RAB11FIP4: variants seen among roughly 807,000 people sequenced by gnomAD.
The protein encoded by RAB11FIP4 is rab11 family-interacting protein 4.
A neutral mutation model predicts 74.3 loss-of-function variants in RAB11FIP4; 23 were observed. The observed-to-expected ratio is 0.31, with a 90% CI of 0.22 to 0.44. RAB11FIP4 has a LOEUF of 0.44. Among genes scored for constraint, RAB11FIP4 ranks in the 20% least tolerant of loss-of-function variants. The probability of loss-of-function intolerance (pLI) is 1.00; values close to 1 mark genes in which losing one functional copy is unlikely to be tolerated. For missense variants in RAB11FIP4, 630 were observed against 863.9 expected (o/e 0.73, Z 3.39); for synonymous variants, 360 against 359.9 (o/e 1.00, Z 0.00).
chr17:31,519,016 T>TC (rs2072613794), intron 4 of RAB11FIP4, among the ~76,000 whole-genome samples: 1 of 132,140 alleles, frequency 7.6e-6, no homozygotes, highest in Non-Finnish European at 1.6e-5. Context: ...TCTTTTTTTT[T>TC]TTTTTTTTTT....
chr17:31,458,402 G>C (rs73277797), intron 3 of RAB11FIP4, among the ~76,000 whole-genome samples: 217 of 152,304 alleles, frequency 1.4e-3, no homozygotes, highest in African/African-American at 5.1e-3. Flanking sequence ...AGGGCATTGC[G>C]GGGAGGCAAG....
chr17:31,484,036 G>T (rs62063860), intron 3 of RAB11FIP4, among the ~76,000 whole-genome samples: 99,033 of 150,492 alleles, frequency 0.66, 33,691 homozygotes, highest in African/African-American at 0.84. Context: ...ATTGTGCCAC[G>T]GCACTTCAGC....
At chr17:31,462,931 C>T (rs1033313442) in intron 3 of RAB11FIP4, among the ~76,000 whole-genome samples, 3 of 152,234 alleles carry the variant, frequency 2.0e-5, no homozygotes, top group Middle Eastern at 3.4e-3. Context: ...CCACCGCGCC[C>T]AGCCTCATAC....
Position 31,420,021 on chromosome 17 carries a change from T to G in RAB11FIP4, c.160-11792T>G, listed in dbSNP as rs534497340. On this transcript the variant is annotated intron_variant, in intron 1 of 14. Transcript: ENST00000621161. ...AAATTATCTGGTCCTGAGGTTTTCC[T>G]TTTTGGAAGGATATAAATTGGGAAA... Among the ~76,000 whole-genome samples the G allele has an allele frequency of 2.6e-5, 4 of 152,316 alleles. No homozygotes were observed. In the South Asian group the frequency reaches 8.3e-4, roughly 32 times the overall value.
At chr17:31,428,869 G>A (rs779116442) in intron 1 of RAB11FIP4, among the ~76,000 whole-genome samples, 14 of 152,040 alleles carry the variant, frequency 9.2e-5, no homozygotes, top group Non-Finnish European at 1.9e-4. Context: ...TTGAGCCCAG[G>A]CATTTGAGGC....
intron 3 of RAB11FIP4, among the ~76,000 whole-genome samples, chr17:31,448,984 T>C (rs2071497211): frequency 6.6e-6 from 1 of 152,176 alleles, no homozygotes; most frequent in Non-Finnish European, 1.5e-5. Context: ...AATGGATTAA[T>C]GTTTCTAAAG....
chr17:31,424,465 G>T (rs1043541230), intron 1 of RAB11FIP4, among the ~76,000 whole-genome samples: 1 of 152,018 alleles, frequency 6.6e-6, no homozygotes. Flanking sequence ...TTTTGAGATG[G>T]AGTCACAATC....
chr17:31,499,448 C>T (rs1452619754), intron 3 of RAB11FIP4, among the ~76,000 whole-genome samples: 1 of 152,074 alleles, frequency 6.6e-6, no homozygotes, highest in Non-Finnish European at 1.5e-5. Context: ...CTCCTACTCC[C>T]TGGTTCAAGC....
chr17:31,516,177 G>A (rs1567687229), intron 3 of RAB11FIP4, among the ~76,000 whole-genome samples: 1 of 151,840 alleles, frequency 6.6e-6, no homozygotes, highest in Non-Finnish European at 1.5e-5. Context: ...AGGTTCAGAG[G>A]TGTTCCATGA....
chr17:31,493,975 A>G (rs1403402834), intron 3 of RAB11FIP4, among the ~76,000 whole-genome samples: 1 of 151,578 alleles, frequency 6.6e-6, no homozygotes, highest in Admixed American at 6.6e-5. Flanking sequence ...CTGTTCATCC[A>G]CCCCCCTGCT....
chr17:31,394,938 C>CGG (rs79511810), intron 1 of RAB11FIP4, among the ~76,000 whole-genome samples: 134 of 71,272 alleles, frequency 1.9e-3, no homozygotes, highest in African/African-American at 6.7e-3. Context: ...TGGCGGGGGG[C>CGG]GGGGGGGGGG....
Position 31,521,989 on chromosome 17 carries a change from G to A in RAB11FIP4, c.833G>A (p.Cys278Tyr). ...ELLDVYCSQC[C>Y]KKINLLNDLE... ...CTAGATGTTTACTGCTCTCAATGCTGCAAGAAAATCAACCTGCTCAATGAC... is the reference window on the plus strand; with the variant it reads ...CTAGATGTTTACTGCTCTCAATGCTACAAGAAAATCAACCTGCTCAATGAC... Residue 278 changes from cysteine to tyrosine, a missense_variant, in exon 6 of 15, where the codon TGC becomes TAC. Physicochemically the swap from Cys to Tyr is radical, Grantham distance 194 (BLOSUM62 -2). Coordinates refer to ENST00000621161, the MANE Select transcript of RAB11FIP4 (RefSeq NM_032932.6). 6.2e-7 allele frequency: 1 copy of A among 1,614,216 alleles called. No individual in the cohort carries two copies. Among genetic ancestry groups the A allele is most frequent in the Non-Finnish European group, 8.5e-7 (1 of 1,180,046 alleles).
At chr17:31,480,590 C>A (rs2071837201) in intron 3 of RAB11FIP4, among the ~76,000 whole-genome samples, 1 of 151,976 alleles carries the variant, frequency 6.6e-6, no homozygotes, top group Admixed American at 6.6e-5. Context: ...GAGATCGAGA[C>A]CACCCTGGCC....
At chr17:31,458,616 T>C (rs777716701) in intron 3 of RAB11FIP4, among the ~76,000 whole-genome samples, 1 of 152,186 alleles carries the variant, frequency 6.6e-6, no homozygotes, top group Non-Finnish European at 1.5e-5. Flanking sequence ...CAAGGAAAGA[T>C]GTACCAGCTT....
At chr17:31,491,911 G>A (rs571936118) in intron 3 of RAB11FIP4, among the ~76,000 whole-genome samples, 3 of 152,308 alleles carry the variant, frequency 2.0e-5, no homozygotes, top group South Asian at 2.1e-4. Flanking sequence ...TGGGTCAGAC[G>A]AGCCTGTCCA....
chr17:31,519,250 G>A lies in RAB11FIP4; in HGVS notation c.563+1373G>A, dbSNP rs1389446161. Among the ~76,000 whole-genome samples the A allele has an allele frequency of 3.3e-5, 5 of 152,084 alleles. No individual in the cohort carries two copies. In the East Asian group the frequency reaches 5.8e-4, roughly 18 times the overall value. ...AGGATGGTCTTGATCTCCTGACCTCGTGATCCACCTGCCTCGGCCTCCCAA... is the reference window on the plus strand; with the variant it reads ...AGGATGGTCTTGATCTCCTGACCTCATGATCCACCTGCCTCGGCCTCCCAA... On this transcript the variant is annotated intron_variant, in intron 4 of 14. Transcript: ENST00000621161.
intron 14 of RAB11FIP4, among the ~76,000 whole-genome samples, chr17:31,530,766 C>G (rs1338250270): frequency 6.6e-6 from 1 of 152,200 alleles, no homozygotes; most frequent in Non-Finnish European, 1.5e-5. Flanking sequence ...CAAGCTGTGA[C>G]TCTGGGTTAG....
At chr17:31,462,368 C>T (rs1206277390) in intron 3 of RAB11FIP4, among the ~76,000 whole-genome samples, 1 of 152,126 alleles carries the variant, frequency 6.6e-6, no homozygotes, top group Non-Finnish European at 1.5e-5. Flanking sequence ...GTTTGAAAAG[C>T]TCCCCAGCTG....
chr17:31,401,132 C>T (rs2070981442), intron 1 of RAB11FIP4, among the ~76,000 whole-genome samples: 1 of 152,110 alleles, frequency 6.6e-6, no homozygotes, highest in African/African-American at 2.4e-5. Context: ...ATTAGCTGGG[C>T]ATGGTGGTGG....
Sources: allele counts gnomAD v4.1 joint callset (sites outside exome capture counted in the v4.1 genomes callset), GRCh38; gene constraint gnomAD v4.1.1; transcripts MANE v1.5; gene names NCBI Gene and HGNC (gene_info 2026-07-23, HGNC 2026-07-21).